The following SGCD variants were observed in gnomAD, a reference collection of about 807,000 sequenced individuals.
SGCD encodes the protein delta-sarcoglycan.
In SGCD, 18 loss-of-function variants were observed where a neutral mutation model predicts 36.6. That is an observed-to-expected ratio of 0.49 (90% CI 0.34 to 0.73). The LOEUF (loss-of-function observed/expected upper bound fraction) is 0.73. Among genes scored for constraint, SGCD ranks in the 30% least tolerant of loss-of-function variants. The pLI, the probability that SGCD is intolerant of heterozygous loss-of-function variation, is 0.01. For synonymous variants in SGCD, 133 were observed against 130.6 expected, an observed-to-expected ratio of 1.02 and a Z score of -0.12; for missense variants, 387 against 346.7, an observed-to-expected ratio of 1.12 and a Z score of -0.92.
At chr5:155,842,514 A>T in the SGCD span, among the ~76,000 whole-genome samples, 7 of 152,196 alleles carry the variant, frequency 4.6e-5, no homozygotes, top group African/African-American at 1.2e-4. Flanking sequence ...CAGAGGTTGC[A>T]GTGAGCTGAG....
At chr5:156,280,423 A>G (rs1277776627) in intron 3 of SGCD, among the ~76,000 whole-genome samples, 1 of 152,212 alleles carries the variant, frequency 6.6e-6, no homozygotes, top group East Asian at 1.9e-4. Flanking sequence ...AGCATCTAGC[A>G]ATTTTAGAAA....
At chr5:155,950,824 G>A (rs1464275432) in intron 1 of SGCD, among the ~76,000 whole-genome samples, 1 of 152,098 alleles carries the variant, frequency 6.6e-6, no homozygotes, top group Non-Finnish European at 1.5e-5. Flanking sequence ...TCAAATAGTT[G>A]GAGTCTGTTA....
At chr5:156,623,895 G>T (rs980730092) in intron 6 of SGCD, among the ~76,000 whole-genome samples, 2 of 152,268 alleles carry the variant, frequency 1.3e-5, no homozygotes, top group South Asian at 4.1e-4. Context: ...TGTTTAATGA[G>T]GGTGTCCCAG....
chr5:156,017,987 C>G (rs1759020582), intron 1 of SGCD, among the ~76,000 whole-genome samples: 1 of 152,016 alleles, frequency 6.6e-6, no homozygotes, highest in African/African-American at 2.4e-5. Flanking sequence ...TAGGGAGACT[C>G]CATCTCTACA....
chr5:156,270,098 C>A (rs1766134579), intron 3 of SGCD, among the ~76,000 whole-genome samples: 1 of 152,174 alleles, frequency 6.6e-6, no homozygotes, highest in East Asian at 1.9e-4. Flanking sequence ...ATATGGCTAG[C>A]CAGTTATCCC....
chr5:156,708,748 G>T (rs568835845), intron 7 of SGCD, among the ~76,000 whole-genome samples: 1 of 152,310 alleles, frequency 6.6e-6, no homozygotes, highest in South Asian at 2.1e-4. Context: ...GTGTGTGCGT[G>T]TGTGAGAGAG....
intron 1 of SGCD, among the ~76,000 whole-genome samples, chr5:155,970,060 T>C (rs185892679): frequency 2.5e-3 from 388 of 152,180 alleles, no homozygotes; most frequent in South Asian, 0.016. Flanking sequence ...AGGTTGATGA[T>C]ACCATAAGCC....
At chr5:156,302,417 T>C (rs933878705) in intron 3 of SGCD, among the ~76,000 whole-genome samples, 2 of 152,118 alleles carry the variant, frequency 1.3e-5, no homozygotes, top group African/African-American at 4.8e-5. Context: ...GAATTTCTTC[T>C]GTGTTTTATC....
chr5:155,929,039 G>A (rs1233189594), intron 1 of SGCD, among the ~76,000 whole-genome samples: 1 of 151,980 alleles, frequency 6.6e-6, no homozygotes. Context: ...AATACAGAAG[G>A]GTATAAAGTG....
chr5:156,641,353 T>G (rs887805747), intron 6 of SGCD, among the ~76,000 whole-genome samples: 4 of 152,206 alleles, frequency 2.6e-5, no homozygotes, highest in African/African-American at 9.6e-5. Flanking sequence ...CTCACATATG[T>G]TGGAAATCTT....
chr5:156,673,136 G>A (rs1753370106), intron 7 of SGCD, among the ~76,000 whole-genome samples: 1 of 152,304 alleles, frequency 6.6e-6, no homozygotes, highest in Non-Finnish European at 1.5e-5. Flanking sequence ...TCAAAAGTGT[G>A]TGTTCAGCCA....
At chr5:156,474,436 T>C (rs1486722561) in intron 3 of SGCD, among the ~76,000 whole-genome samples, 1 of 152,172 alleles carries the variant, frequency 6.6e-6, no homozygotes, top group Non-Finnish European at 1.5e-5. Context: ...TTCCTGTAGG[T>C]AGCTTGTACT....
At chr5:156,591,343 C>T (rs1001658722) in intron 5 of SGCD, among the ~76,000 whole-genome samples, 26 of 152,172 alleles carry the variant, frequency 1.7e-4, no homozygotes, top group African/African-American at 6.3e-4. Context: ...AGTCTTTTCA[C>T]AGGAAACAAT....
At chr5:156,071,262 G>A (rs1415369253) in intron 1 of SGCD, among the ~76,000 whole-genome samples, 1 of 152,092 alleles carries the variant, frequency 6.6e-6, no homozygotes, top group Non-Finnish European at 1.5e-5. Flanking sequence ...TCTCTTGTGG[G>A]CATTTAGTGT....
intron 6 of SGCD, among the ~76,000 whole-genome samples, chr5:156,625,623 C>T (rs1762410553): frequency 6.6e-6 from 1 of 152,184 alleles, no homozygotes; most frequent in Admixed American, 6.5e-5. Flanking sequence ...CACAAACCCA[C>T]TGAATTCTAT....
intron 1 of SGCD, among the ~76,000 whole-genome samples, chr5:155,987,984 T>G (rs1758363186): frequency 6.6e-6 from 1 of 152,200 alleles, no homozygotes; most frequent in South Asian, 2.1e-4. Context: ...CACTTAATCT[T>G]CTGTCTACCA....
chr5:156,615,244 A>G (rs1433114879), intron 6 of SGCD, among the ~76,000 whole-genome samples: 1 of 152,248 alleles, frequency 6.6e-6, no homozygotes, highest in Non-Finnish European at 1.5e-5. Context: ...AATTTCATTG[A>G]ACAAGGAATT....
intron 3 of SGCD, among the ~76,000 whole-genome samples, chr5:156,164,432 C>CT (rs1218175309): frequency 1.3e-5 from 2 of 152,094 alleles, no homozygotes; most frequent in African/African-American, 4.8e-5. Flanking sequence ...TTGTTCCCCA[C>CT]TCCCACCCTT....
the SGCD span, among the ~76,000 whole-genome samples, chr5:155,784,871 TA>T: frequency 8.5e-5 from 13 of 152,168 alleles, no homozygotes; most frequent in African/African-American, 2.9e-4. Context: ...AATATGACTT[TA>T]TTTTTTTAAT....
Sources: gnomAD v4.1 joint callset for allele counts (sites outside exome capture counted in the v4.1 genomes callset) on GRCh38, gnomAD v4.1.1 for gene constraint, MANE v1.5 for transcripts, NCBI Gene and HGNC (gene_info 2026-07-23, HGNC 2026-07-21) for gene names.